Variants in ITSN2 observed in about 807,000 individuals in gnomAD.
ITSN2 encodes the protein intersectin 2, also known as intersectin-2.
A neutral mutation model predicts 243.7 loss-of-function variants in ITSN2; 156 were observed. The observed-to-expected ratio is 0.64, with a 90% CI of 0.56 to 0.73. ITSN2 has a LOEUF of 0.73. Among genes scored for constraint, ITSN2 ranks in the 30% least tolerant of loss-of-function variants. The pLI is 0.00. For synonymous variants in ITSN2, 703 were observed against 699.9 expected (o/e 1.00, Z -0.07); for missense variants, 1,801 against 1,996.1 (o/e 0.90, Z 1.86).
intron 5 of ITSN2, among the ~76,000 whole-genome samples, chr2:24,311,949 G>A (rs1467021685): frequency 3.9e-5 from 6 of 152,022 alleles, no homozygotes; most frequent in East Asian, 3.8e-4. Flanking sequence ...AATTCATCAC[G>A]CAACTAGGAG....
At chr2:24,313,676 T>C (rs1274985304) in intron 3 of ITSN2, among the ~76,000 whole-genome samples, 153 bp from the exon 4 acceptor site, 2 of 152,218 alleles carry the variant, frequency 1.3e-5, no homozygotes, top group East Asian at 1.9e-4. Context: ...AAAAATTATT[T>C]ACATAACTTT....
chr2:24,313,341 C>G, intron 4 of ITSN2, 119 bp downstream of exon 4: 1 of 741,756 alleles, frequency 1.3e-6, no homozygotes, highest in South Asian at 1.9e-5. Context: ...TCCCAAAGTG[C>G]TGGCAGAAAT....
chr2:24,226,724 T>A (rs1194287935), intron 29 of ITSN2, among the ~76,000 whole-genome samples: 1 of 152,232 alleles, frequency 6.6e-6, no homozygotes, highest in African/African-American at 2.4e-5. Context: ...TTGCTGTTCA[T>A]GTGGTTATTC....
Position 24,270,774 on chromosome 2 carries a change from G to T in ITSN2, c.2258-6C>A. On this transcript the variant is annotated splice_region_variant and splice_polypyrimidine_tract_variant and intron_variant, in intron 19 of 39. Coordinates refer to ENST00000355123, the MANE Select transcript of ITSN2 (RefSeq NM_006277.3). Reference sequence around the variant, plus strand: ...CAAAACACTAGCTGTCTCACCTAAAGAGAAGACAATTGTCATTATTTGCAA... The same window carrying T: ...CAAAACACTAGCTGTCTCACCTAAATAGAAGACAATTGTCATTATTTGCAA... 1 of 1,489,442 alleles carries T rather than the reference G, an allele frequency of 6.7e-7. No individual in the cohort carries two copies. The highest frequency in any genetic ancestry group is 1.4e-5 in the African/African-American group (1 of 71,724). 92.3% of individuals were successfully genotyped at this position (1,489,442 alleles called of 1,614,324 possible).
chr2:24,239,221 A>G (rs1306106278), intron 29 of ITSN2: 1 of 152,536 alleles, frequency 6.6e-6, no homozygotes, highest in Non-Finnish European at 1.5e-5. Context: ...AAGAATTCAT[A>G]AACTGGTAAA....
At chr2:24,246,754 C>A (rs1488034444) in intron 28 of ITSN2, 43 bp downstream of exon 28, 1 of 1,208,466 alleles carries the variant, frequency 8.3e-7, no homozygotes, top group African/African-American at 1.5e-5. Flanking sequence ...TGAGTTTTAA[C>A]AAACTCCTCT....
chr2:24,212,633 C>A lies in ITSN2; in HGVS notation c.4089+17G>T, dbSNP rs1669603244. On this transcript the variant is annotated intron_variant, in intron 33 of 39. Coordinates refer to ENST00000355123, the MANE Select transcript of ITSN2 (RefSeq NM_006277.3). ...CTGCTCCTAACTCAGACCCCACTGC[C>A]CGGCCTGCACACTCACACTTCTGAT... 2 of 1,586,704 alleles carry A rather than the reference C, an allele frequency of 1.3e-6. No individual in the cohort carries two copies. The highest frequency in any genetic ancestry group is 2.3e-5 in the South Asian group (2 of 87,064).
At chr2:24,308,480 T>G (rs1682827448) in intron 8 of ITSN2, 137 bp downstream of exon 8, 3 of 495,382 alleles carry the variant, frequency 6.1e-6, no homozygotes, top group Non-Finnish European at 6.9e-6. Flanking sequence ...GTATTTGTAT[T>G]TATCAAATGC....
intron 2 of ITSN2, among the ~76,000 whole-genome samples, chr2:24,317,911 T>C (rs1684112452): frequency 6.6e-6 from 1 of 152,212 alleles, no homozygotes; most frequent in African/African-American, 2.4e-5. Flanking sequence ...TCTCAGGCTA[T>C]CAGTGGTGCC....
At chr2:24,319,382 T>G (rs1684289885) in intron 2 of ITSN2, among the ~76,000 whole-genome samples, 1 of 152,184 alleles carries the variant, frequency 6.6e-6, no homozygotes, top group Non-Finnish European at 1.5e-5. Flanking sequence ...AGCCTTCTTC[T>G]GCAAGAAAAA....
intron 29 of ITSN2, among the ~76,000 whole-genome samples, chr2:24,223,172 G>A (rs1347698653): frequency 1.3e-5 from 2 of 152,128 alleles, no homozygotes; most frequent in Non-Finnish European, 2.9e-5. Flanking sequence ...CAGAGCGAAG[G>A]CGCACCCTGC....
intron 29 of ITSN2, among the ~76,000 whole-genome samples, chr2:24,234,278 G>A (rs550871810): frequency 2.2e-4 from 32 of 145,430 alleles, no homozygotes; most frequent in Admixed American, 5.4e-4. Context: ...ATCCAAATGC[G>A]AAAAAAAAAA....
In ITSN2 at chr2:24,203,682, C is replaced by T. The variant is rs200311995; in HGVS notation, c.5038G>A (p.Gly1680Arg). Residue 1680 changes from glycine (G) to arginine (R), a missense_variant, in exon 40 of 40, where the codon GGG (glycine) becomes AGG (arginine). By Grantham distance (125) the Gly-to-Arg change is moderately radical. This residue lies in a region of ITSN2 where 928 missense variants were observed against 1,065.4 expected (regional missense o/e 0.87). Coordinates refer to ENST00000355123, the MANE Select transcript of ITSN2 (RefSeq NM_006277.3). ...RRLLLHEVPTGEVWVRFDLQL... is the reference protein window; with the variant it reads ...RRLLLHEVPTREVWVRFDLQL... ...AGGTCAAAACGGACCCAGACCTCCC[C>T]GGTGGGGACCTCATGCAGCAGCAGT... The T allele has an allele frequency of 2.4e-5, 38 of 1,614,170 alleles. No homozygotes were observed. The highest frequency in any genetic ancestry group is 1.1e-4 in the East Asian group (5 of 44,876).
upstream of ITSN2, among the ~76,000 whole-genome samples, chr2:24,360,934 G>T (rs1233507111): frequency 6.6e-6 from 1 of 152,248 alleles, no homozygotes; most frequent in East Asian, 1.9e-4. Context: ...CTTCTCACTC[G>T]CCGAAGTTTT....
At chr2:24,245,006 A>G (rs1673159718) in intron 29 of ITSN2, among the ~76,000 whole-genome samples, 1 of 152,210 alleles carries the variant, frequency 6.6e-6, no homozygotes, top group South Asian at 2.1e-4. Context: ...ATGAAAGGCT[A>G]AGTATTTTAA....
chr2:24,252,603 G>A lies in ITSN2; in HGVS notation c.2954-92C>T, dbSNP rs568397138. The A allele has an allele frequency of 2.3e-5, 21 of 896,788 alleles. No individual in the cohort carries two copies. The Admixed American group carries it at 2.8e-4, about 12-fold the overall frequency. The allele number at this position is 896,788 out of a possible 1,614,324, so 55.6% of individuals were successfully genotyped here. A position where few individuals can be genotyped will look rare whatever the true frequency, so the allele number is the denominator to read the frequency against. On this transcript the variant is annotated intron_variant, in intron 24 of 39. Coordinates refer to ENST00000355123, the MANE Select transcript of ITSN2 (RefSeq NM_006277.3). ...GGTTATTCTCCAAGACATTGTATAA[G>A]TTTGCTGTAAAAGACCTTGTGCCTT...
intron 2 of ITSN2, among the ~76,000 whole-genome samples, chr2:24,318,631 G>A (rs936787994): frequency 6.6e-6 from 1 of 152,164 alleles, no homozygotes; most frequent in African/African-American, 2.4e-5. Context: ...CAGGGCTAAA[G>A]GGTGGGGTAT....
At chr2:24,250,905 G>C (rs781203911) in intron 25 of ITSN2, among the ~76,000 whole-genome samples, 2 of 152,022 alleles carry the variant, frequency 1.3e-5, no homozygotes, top group African/African-American at 4.8e-5. Flanking sequence ...TCAGACTAAA[G>C]AGATTTGCAA....
chr2:24,218,960 G>A (rs1163005431), intron 30 of ITSN2, among the ~76,000 whole-genome samples: 1 of 152,106 alleles, frequency 6.6e-6, no homozygotes, highest in African/African-American at 2.4e-5. Flanking sequence ...GACTCCTCCT[G>A]GAGGTTCCAG....
Sources: allele counts gnomAD v4.1 joint callset (sites outside exome capture counted in the v4.1 genomes callset), GRCh38; gene constraint gnomAD v4.1.1; regional missense constraint gnomAD v4.1.1; transcripts MANE v1.5; gene names NCBI Gene and HGNC (gene_info 2026-07-23, HGNC 2026-07-21).